The following PACSIN2 variants were observed in gnomAD, a reference collection of about 807,000 sequenced individuals.
PACSIN2 encodes the protein protein kinase C and casein kinase substrate in neurons protein 2.
PACSIN2 carries 25 observed loss-of-function variants against 63.8 expected under a neutral mutation model. The ratio of observed to expected loss-of-function variants is 0.39; its 90% CI spans 0.29 to 0.55. The LOEUF is 0.55. Ranked by LOEUF, PACSIN2 falls within the 20% of genes least tolerant of loss-of-function variation. The probability of loss-of-function intolerance (pLI) is 0.62; values close to 1 mark genes in which losing one functional copy is unlikely to be tolerated. For synonymous variants in PACSIN2, 255 were observed against 256.2 expected, an observed-to-expected ratio of 1.00 and a Z score of 0.05; for missense variants, 518 against 646.9, an observed-to-expected ratio of 0.80 and a Z score of 2.16.
In PACSIN2 at chr22:42,957,980, T is replaced by C. The variant is rs17003438; in HGVS notation, c.-77-45823A>G. Among the ~76,000 whole-genome samples, 84 of 152,190 alleles carry C rather than the reference T, an allele frequency of 5.5e-4. 1 individual carries two copies. Among genetic ancestry groups the C allele is most frequent in the Middle Eastern group, 3.4e-3 (1 of 294 alleles). ...GATTTTTAAGAAATGTCAATGCTCTTTGTACTTGAGGTAATTCACTATACA... is the reference window on the plus strand; with the variant it reads ...GATTTTTAAGAAATGTCAATGCTCTCTGTACTTGAGGTAATTCACTATACA... On this transcript the variant is annotated intron_variant, in intron 1 of 10. Transcript: ENST00000263246.
intron 2 of PACSIN2, among the ~76,000 whole-genome samples, chr22:42,899,465 GTGC>G (rs1174178330): frequency 6.6e-6 from 1 of 152,116 alleles, no homozygotes; most frequent in Non-Finnish European, 1.5e-5. Flanking sequence ...CTGTATGTGG[GTGC>G]CCAGAGGGAT....
Position 42,876,297 on chromosome 22 carries a change from G to C in PACSIN2, c.1188C>G (p.Thr396=). 6.2e-7 allele frequency: 1 copy of C among 1,614,198 alleles called. No individual in the cohort carries two copies. Among genetic ancestry groups the C allele is most frequent in the South Asian group, 1.1e-5 (1 of 91,084 alleles). ...TGTTAGACTCATCGTCTGACCAGTC[G>C]GTGGGATAGCTCTGGGTCTTCTCGT... ...SSYEKTQSYP[T]DWSDDESNNP... Residue 396 remains threonine, a synonymous_variant, in exon 10 of 11, where the codon ACC becomes ACG. Transcript: ENST00000263246.
intron 1 of PACSIN2, among the ~76,000 whole-genome samples, chr22:42,987,527 A>AGTCTTTTTTTTT (rs1922715842): frequency 2.9e-5 from 1 of 34,804 alleles, no homozygotes; most frequent in African/African-American, 2.5e-4. Flanking sequence ...GGGCACATTC[A>AGTCTTTTTTTTT]TTCTTTTTTT....
chr22:42,872,439 G>C (rs1450585033), intron 10 of PACSIN2, among the ~76,000 whole-genome samples: 1 of 152,246 alleles, frequency 6.6e-6, no homozygotes, highest in East Asian at 1.9e-4. Context: ...TGCCTTTATT[G>C]CTAAGTTTGA....
rs757985206 is a variant in PACSIN2, at chr22:42,884,365, T to C, written c.785+21A>G. On this transcript the variant is annotated intron_variant, in intron 6 of 10. Coordinates refer to ENST00000263246, the MANE Select transcript of PACSIN2 (RefSeq NM_001184970.3). Reference sequence around the variant, plus strand: ...CCGTTGACTTCAATGACGTGTGTGTTTTAGCTCAAAGGAAACTTACCCAGC... The same window carrying C: ...CCGTTGACTTCAATGACGTGTGTGTCTTAGCTCAAAGGAAACTTACCCAGC... The C allele has an allele frequency of 7.5e-6, 12 of 1,604,156 alleles. No individual in the cohort carries two copies. In the African/African-American group the frequency reaches 1.6e-4, roughly 22 times the overall value.
At chr22:42,923,382 T>C (rs1336224298) in intron 1 of PACSIN2, among the ~76,000 whole-genome samples, 1 of 152,166 alleles carries the variant, frequency 6.6e-6, no homozygotes, top group Non-Finnish European at 1.5e-5. Context: ...CCGCATCTGC[T>C]CACCTCCACT....
chr22:42,955,196 A>G (rs1933862230), intron 1 of PACSIN2, among the ~76,000 whole-genome samples: 1 of 152,174 alleles, frequency 6.6e-6, no homozygotes, highest in African/African-American at 2.4e-5. Flanking sequence ...CCAGAACTCA[A>G]TCCTAACCGT....
At chr22:42,904,997 T>A (rs1310525752) in intron 2 of PACSIN2, among the ~76,000 whole-genome samples, 1 of 152,224 alleles carries the variant, frequency 6.6e-6, no homozygotes, top group Non-Finnish European at 1.5e-5. Flanking sequence ...GATTTGTTAC[T>A]GAATAGAAAG....
At chr22:42,986,413 C>T (rs764940256) in intron 1 of PACSIN2, among the ~76,000 whole-genome samples, 3 of 152,112 alleles carry the variant, frequency 2.0e-5, no homozygotes, top group Non-Finnish European at 2.9e-5. Context: ...CGAAATCAAA[C>T]GCCTAAAAGA....
intron 6 of PACSIN2, among the ~76,000 whole-genome samples, chr22:42,883,872 C>CGG (rs1569217222): frequency 5.9e-5 from 9 of 152,094 alleles, no homozygotes; most frequent in Non-Finnish European, 1.2e-4. Flanking sequence ...GGTGTGGTGG[C>CGG]GCATGCCTGT....
chr22:42,929,300 C>G (rs1010320178), intron 1 of PACSIN2, among the ~76,000 whole-genome samples: 8 of 152,244 alleles, frequency 5.3e-5, no homozygotes, highest in African/African-American at 1.9e-4. Context: ...CTCATCTATG[C>G]TACAAGTCCT....
chr22:42,973,810 G>C (rs943699102), intron 1 of PACSIN2, among the ~76,000 whole-genome samples: 1 of 152,212 alleles, frequency 6.6e-6, no homozygotes, highest in African/African-American at 2.4e-5. Flanking sequence ...TTGGCACCTA[G>C]CACAGGGCTT....
At chr22:42,976,015 C>T (rs1422479820) in intron 1 of PACSIN2, among the ~76,000 whole-genome samples, 1 of 152,152 alleles carries the variant, frequency 6.6e-6, no homozygotes, top group Admixed American at 6.6e-5. Context: ...CTGGAAGGTC[C>T]AATCTGAGCT....
At chr22:42,906,041 G>C (rs1162796579) in intron 2 of PACSIN2, among the ~76,000 whole-genome samples, 2 of 152,286 alleles carry the variant, frequency 1.3e-5, no homozygotes, top group African/African-American at 4.8e-5. Context: ...TGCCAAGCTA[G>C]GGGACAGTGG....
Position 42,927,537 on chromosome 22 carries a change from C to T in PACSIN2, c.-77-15380G>A, listed in dbSNP as rs1199587980. 2.6e-5 allele frequency among the ~76,000 whole-genome samples: 4 copies of T among 152,018 alleles called. No homozygotes were observed. In the East Asian group the frequency reaches 5.8e-4, roughly 22 times the overall value. On this transcript the variant is annotated intron_variant, in intron 1 of 10. Transcript: ENST00000263246. ...GTGCTGGGATTACAGGCGTGAGCCA[C>T]CACGCCTGGCCCCAGTCTTTTATTT... is the stretch of plus-strand genomic sequence containing the variant.
chr22:42,985,725 A>G lies in PACSIN2; in HGVS notation c.-78+29296T>C, dbSNP rs1486230287. Among the ~76,000 whole-genome samples the G allele has an allele frequency of 3.3e-5, 5 of 152,250 alleles. No individual in the cohort carries two copies. In the East Asian group the frequency reaches 9.6e-4, roughly 29 times the overall value. ...TTAACCTTCTGTCTGCCTCTTCACC[A>G]CATTATATTCAGAGGGAGGGCTAAG... is the stretch of plus-strand genomic sequence containing the variant. On this transcript the variant is annotated intron_variant, in intron 1 of 10. Transcript: ENST00000263246.
chr22:42,885,334 G>A (rs1929395566), intron 5 of PACSIN2, among the ~76,000 whole-genome samples: 1 of 152,128 alleles, frequency 6.6e-6, no homozygotes, highest in Non-Finnish European at 1.5e-5. Flanking sequence ...CCAGTTTGGT[G>A]GCCAGGTGGT....
chr22:42,964,165 C>T, intron 1 of PACSIN2, among the ~76,000 whole-genome samples: 1 of 152,234 alleles, frequency 6.6e-6, no homozygotes, highest in East Asian at 1.9e-4. Context: ...TGCCTGTAAT[C>T]CCAGTACTTT....
chr22:43,006,763 C>G (rs561652047), intron 1 of PACSIN2, among the ~76,000 whole-genome samples: 1 of 151,988 alleles, frequency 6.6e-6, no homozygotes, highest in African/African-American at 2.4e-5. Context: ...TGCAGTGAGC[C>G]GAAATCGCAC....
Sources: gnomAD v4.1 joint callset for allele counts (sites outside exome capture counted in the v4.1 genomes callset) on GRCh38, gnomAD v4.1.1 for gene constraint, MANE v1.5 for transcripts, NCBI Gene and HGNC (gene_info 2026-07-23, HGNC 2026-07-21) for gene names.